The following TMF1 variants were observed in gnomAD, a reference collection of about 807,000 sequenced individuals.
TMF1 encodes TATA element modulatory factor 1.
Under a neutral mutation model 126.5 loss-of-function variants are expected in TMF1, and 71 were observed. The observed-to-expected ratio is 0.56, with a 90% CI of 0.46 to 0.68. The LOEUF (loss-of-function observed/expected upper bound fraction) is 0.68. TMF1 is among the 30% of genes least tolerant of loss of function. The pLI, the probability that TMF1 is intolerant of heterozygous loss-of-function variation, is 0.00. For synonymous variants in TMF1, 461 were observed against 430.5 expected (o/e 1.07, Z -0.88); for missense variants, 1,259 against 1,253.2 (o/e 1.00, Z -0.07).
chr3:69,038,972 C>G lies in TMF1; in HGVS notation c.1865G>C (p.Arg622Thr). The G allele has an allele frequency of 6.2e-7, 1 of 1,606,586 alleles. No individual in the cohort carries two copies. The highest frequency in any genetic ancestry group is 8.5e-7 in the Non-Finnish European group (1 of 1,177,210). Residue 622 changes from arginine (R) to threonine (T), a missense_variant, in exon 7 of 17, where the codon AGA (arginine) becomes ACA (threonine). Physicochemically the swap from Arg to Thr is moderately conservative, Grantham distance 71. Coordinates refer to ENST00000398559, the MANE Select transcript of TMF1 (RefSeq NM_007114.3). ...GGAATTTAGTTTTTTAATATTTTCT[C>G]TATGTTGTTTCTCAACCTCTTCTTT... Reference protein sequence around the residue: ...DGKEEVEKQHRENIKKLNSMV... With the variant: ...DGKEEVEKQHTENIKKLNSMV...
intron 8 of TMF1, among the ~76,000 whole-genome samples, chr3:69,038,109 A>G (rs2091842646): frequency 6.6e-6 from 1 of 152,236 alleles, no homozygotes; most frequent in Admixed American, 6.5e-5. Flanking sequence ...TTAAAGCAGC[A>G]TTATTGATAA....
chr3:69,024,418 ATTAT>A (rs3836333), intron 15 of TMF1: 63,767 of 247,744 alleles, frequency 0.26, 8,662 homozygotes, highest in East Asian at 0.43. Context: ...GATAAATCCA[ATTAT>A]TTGTTTGAAA....
At position 69,034,035 on chromosome 3, in the gene TMF1, G is replaced by A. The variant is rs368124720; in HGVS notation, c.2245-331C>T. ...TCATCATGTTGCTCAGGCTGGCCTC[G>A]AACTCCTGAGCAGGCAATCTGACTG... On this transcript the variant is annotated intron_variant, in intron 9 of 16. Coordinates refer to ENST00000398559, the MANE Select transcript of TMF1 (RefSeq NM_007114.3). 21 of 174,762 alleles carry A rather than the reference G, an allele frequency of 1.2e-4. No homozygotes were observed. The East Asian group carries it at 1.3e-3, about 11-fold the overall frequency. 10.8% of individuals were successfully genotyped at this position (174,762 alleles called of 1,614,324 possible). A position where few individuals can be genotyped will look rare whatever the true frequency, so the allele number is the denominator to read the frequency against.
intron 8 of TMF1, 199 bp from the exon 9 acceptor site, chr3:69,035,314 G>A: frequency 3.6e-6 from 2 of 551,888 alleles, no homozygotes; most frequent in East Asian, 3.0e-5. Context: ...TGTTTACTTA[G>A]AAAAGCATTC....
chr3:69,028,257 A>G lies in TMF1; in HGVS notation c.2633T>C (p.Val878Ala). The G allele has an allele frequency of 1.2e-6, 2 of 1,613,352 alleles. No individual in the cohort carries two copies. Among genetic ancestry groups the G allele is most frequent in the Non-Finnish European group, 1.7e-6 (2 of 1,179,598 alleles). Residue 878 changes from valine to alanine, a missense_variant, in exon 12 of 17, where the codon GTA (valine) becomes GCA (alanine). Physicochemically the swap from Val to Ala is moderately conservative, Grantham distance 64. Coordinates refer to ENST00000398559, the MANE Select transcript of TMF1 (RefSeq NM_007114.3). Reference protein sequence around the residue: ...VELENLKDEYVRTLEETRKEK... With the variant: ...VELENLKDEYARTLEETRKEK... Reference sequence around the variant, plus strand: ...TTTCCTCGTCTCTTCAAGTGTTCTTACATATTCATCTTTTAGGTTTTCCAA... The same window carrying G: ...TTTCCTCGTCTCTTCAAGTGTTCTTGCATATTCATCTTTTAGGTTTTCCAA...
chr3:69,032,752 G>A (rs2091810070), intron 10 of TMF1, among the ~76,000 whole-genome samples: 1 of 151,924 alleles, frequency 6.6e-6, no homozygotes, highest in Non-Finnish European at 1.5e-5. Flanking sequence ...TGGGATTACA[G>A]GCATGCGCCA....
chr3:69,042,640 T>C (rs1217725896), intron 5 of TMF1, 167 bp downstream of exon 5: 5 of 706,146 alleles, frequency 7.1e-6, no homozygotes, highest in Non-Finnish European at 1.3e-5. Flanking sequence ...TCTGTCTCAA[T>C]ATATCTTATT....
At chr3:69,042,588 TTTC>T (rs747180967) in intron 5 of TMF1, 10 of 647,828 alleles carry the variant, frequency 1.5e-5, no homozygotes, top group Non-Finnish European at 2.3e-5. Context: ...GGGACTTACT[TTTC>T]TTTTTACTTC....
At position 69,020,546 on chromosome 3, in the gene TMF1, C is replaced by T. The variant is rs1015749899; in HGVS notation, c.*2631G>A. The T allele has an allele frequency of 5.9e-5, 9 of 152,038 alleles. No individual in the cohort carries two copies. Among genetic ancestry groups the T allele is most frequent in the African/African-American group, 2.2e-4 (9 of 41,426 alleles). 9.4% of individuals were successfully genotyped at this position (152,038 alleles called of 1,614,324 possible). A position where few individuals can be genotyped will look rare whatever the true frequency, so the allele number is the denominator to read the frequency against. On this transcript the variant is annotated 3_prime_UTR_variant, in exon 17 of 17. Transcript: ENST00000398559. ...ATCTAATTGCAAATCATTTTCCTAT[C>T]CATTAAAATATAAATATTATTTTGC...
At chr3:69,024,029 C>T (rs772834560) in intron 16 of TMF1, 26 bp downstream of exon 16, 6 of 1,580,622 alleles carry the variant, frequency 3.8e-6, no homozygotes, top group East Asian at 2.3e-5. Context: ...ATATCTTAGA[C>T]TCATCCTTAG....
chr3:69,046,844 C>G (rs1157974710), intron 2 of TMF1, among the ~76,000 whole-genome samples: 1 of 152,068 alleles, frequency 6.6e-6, no homozygotes, highest in Non-Finnish European at 1.5e-5. Flanking sequence ...AGGATATATA[C>G]TCCTTATATA....
chr3:69,036,921 T>C (rs892497196), intron 8 of TMF1, among the ~76,000 whole-genome samples: 1 of 152,098 alleles, frequency 6.6e-6, no homozygotes, highest in Admixed American at 6.5e-5. Flanking sequence ...AAAACATAGA[T>C]AAGCTAGACT....
At chr3:69,032,968 C>T (rs1559630816) in intron 10 of TMF1, among the ~76,000 whole-genome samples, 1 of 152,038 alleles carries the variant, frequency 6.6e-6, no homozygotes, top group Non-Finnish European at 1.5e-5. Flanking sequence ...TCTTGACTCT[C>T]CTTAGACCTA....
At chr3:69,048,809 C>A (rs372459337) in intron 1 of TMF1, 78 of 361,080 alleles carry the variant, frequency 2.2e-4, no homozygotes, top group Non-Finnish European at 3.4e-4. Flanking sequence ...AAGACTGGGC[C>A]TGGCCTGGAC....
At position 69,027,628 on chromosome 3, in the gene TMF1, C is replaced by A. The variant is rs572411022; in HGVS notation, c.2757+272G>T. 8.9e-5 allele frequency among the ~76,000 whole-genome samples: 13 copies of A among 146,396 alleles called. No individual in the cohort carries two copies. In the East Asian group the frequency reaches 2.6e-3, roughly 29 times the overall value. On this transcript the variant is annotated intron_variant, in intron 13 of 16. Transcript: ENST00000398559. ...GGTTCCCTGGGCCTCATTTGAAGAA[C>A]AAGAATTGTCTTGGGCCACACATAA...
At chr3:69,047,242 T>C in intron 2 of TMF1, 116 bp downstream of exon 2, 1 of 1,256,656 alleles carries the variant, frequency 8.0e-7, no homozygotes, top group Non-Finnish European at 1.1e-6. Context: ...AATGGCAAAA[T>C]GCGTATGTTT....
Position 69,047,994 on chromosome 3 carries a change from C to A in TMF1, c.711G>T (p.Arg237Ser). Residue 237 changes from arginine (R) to serine (S), a missense_variant, in exon 2 of 17, where the codon AGG becomes AGT. Arg to Ser is a moderately radical substitution (Grantham distance 110). Transcript: ENST00000398559. ...LEPKEQKHEDRQSNTPSPPVS... is the reference protein window; with the variant it reads ...LEPKEQKHEDSQSNTPSPPVS... Reference sequence around the variant, plus strand: ...CAGGAGGAGAAGGTGTATTGCTCTGCCTGTCTTCATGTTTTTGTTCCTTAG... The same window carrying A: ...CAGGAGGAGAAGGTGTATTGCTCTGACTGTCTTCATGTTTTTGTTCCTTAG... 2 of 1,613,840 alleles carry A rather than the reference C, an allele frequency of 1.2e-6. No homozygotes were observed. The highest frequency in any genetic ancestry group is 1.7e-6 in the Non-Finnish European group (2 of 1,180,016).
At chr3:69,031,812 CT>C (rs2091804702) in intron 10 of TMF1, among the ~76,000 whole-genome samples, 1 of 152,152 alleles carries the variant, frequency 6.6e-6, no homozygotes, top group South Asian at 2.1e-4. Context: ...TGTCCTGTGG[CT>C]TTGCCTATAT....
chr3:69,047,496 A>C lies in TMF1; in HGVS notation c.1209T>G (p.Val403=), dbSNP rs764747722. The C allele has an allele frequency of 2.5e-6, 4 of 1,614,238 alleles. No homozygotes were observed. Among genetic ancestry groups the C allele is most frequent in the Non-Finnish European group, 3.4e-6 (4 of 1,180,032 alleles). ...CCAAGATATCAGGCTGTTCACAGTT[A>C]ACAGGAGTTGCACTTCGTCCACTTT... The part of the protein sequence containing the change: ...MEESGRSATP[V]NCEQPDILVS... The change falls in exon 2 of 17, where the codon GTT becomes GTG. Residue 403 remains valine (V), a synonymous_variant. Coordinates refer to ENST00000398559, the MANE Select transcript of TMF1 (RefSeq NM_007114.3).
Sources: allele counts gnomAD v4.1 joint callset (sites outside exome capture counted in the v4.1 genomes callset), GRCh38; gene constraint gnomAD v4.1.1; transcripts MANE v1.5; gene names NCBI Gene and HGNC (gene_info 2026-07-23, HGNC 2026-07-21).